FARP1: variants seen among roughly 807,000 people sequenced by gnomAD.
FARP1 encodes FERM, ARHGEF and pleckstrin domain-containing protein 1.
FARP1 carries 52 observed loss-of-function variants against 128.8 expected under a neutral mutation model. The observed-to-expected ratio is 0.40, with a 90% CI of 0.32 to 0.51. The LOEUF (loss-of-function observed/expected upper bound fraction) is 0.51. Ranked by LOEUF, FARP1 falls within the 20% of genes least tolerant of loss-of-function variation. The pLI, the probability that FARP1 is intolerant of heterozygous loss-of-function variation, is 0.45. For synonymous variants in FARP1, 580 were observed against 551.8 expected (o/e 1.05, Z -0.72); for missense variants, 1,333 against 1,367.9 (o/e 0.97, Z 0.40).
chr13:98,311,582 T>TGC lies in FARP1; in HGVS notation c.172-32179_172-32178dup, dbSNP rs145756712. Among the ~76,000 whole-genome samples the TGC allele has an allele frequency of 3.1e-3, 468 of 150,300 alleles. 5 individuals carry two copies. The highest frequency in any genetic ancestry group is 0.011 in the African/African-American group (445 of 41,468). ...GTGTGTGCATGTGCGTGTGTGTGTG[T>TGC]GCACACACGTGCACACGTTGGGAAA... On this transcript the variant is annotated intron_variant, in intron 2 of 26. Coordinates refer to ENST00000319562, the MANE Select transcript of FARP1 (RefSeq NM_005766.4).
intron 1 of FARP1, among the ~76,000 whole-genome samples, chr13:98,189,516 A>G (rs1223337645): frequency 1.3e-5 from 2 of 152,218 alleles, no homozygotes; most frequent in African/African-American, 2.4e-5. Context: ...ACCTGGTATT[A>G]TAATGAGCAG....
chr13:98,296,304 C>T (rs1029841046), intron 2 of FARP1, among the ~76,000 whole-genome samples: 2 of 152,116 alleles, frequency 1.3e-5, no homozygotes, highest in African/African-American at 4.8e-5. Flanking sequence ...CCCCCGATTG[C>T]AGGTACACCT....
At position 98,232,143 on chromosome 13, in the gene FARP1, TGG is replaced by T. The variant is rs1491434127; in HGVS notation, c.171+18731_171+18732del. Among the ~76,000 whole-genome samples, 1,144 of 126,364 alleles carry T rather than the reference TGG, an allele frequency of 9.1e-3. 32 individuals are homozygous for T. Among genetic ancestry groups the T allele is most frequent in the Admixed American group, 0.035 (456 of 12,996 alleles). 82.9% of individuals were successfully genotyped at this position (126,364 alleles called of 152,430 possible). A position where few individuals can be genotyped will look rare whatever the true frequency, so the allele number is the denominator to read the frequency against. On this transcript the variant is annotated intron_variant, in intron 2 of 26. Coordinates refer to ENST00000319562, the MANE Select transcript of FARP1 (RefSeq NM_005766.4). ...CCGTGCCCGGCTTTTTTTGTTTGGTTGGTTTTTTTTTTTTTTTTTTTTTGCTT... is the reference window on the plus strand; with the variant it reads ...CCGTGCCCGGCTTTTTTTGTTTGGTTTTTTTTTTTTTTTTTTTTTTTGCTT...
At chr13:98,361,394 T>C (rs1369553153) in intron 3 of FARP1, among the ~76,000 whole-genome samples, 1 of 152,224 alleles carries the variant, frequency 6.6e-6, no homozygotes, top group Non-Finnish European at 1.5e-5. Flanking sequence ...TGTTTGATGC[T>C]TTCCACAGAA....
At chr13:98,360,207 T>C (rs1450144092) in intron 3 of FARP1, among the ~76,000 whole-genome samples, 2 of 149,178 alleles carry the variant, frequency 1.3e-5, no homozygotes, top group African/African-American at 4.9e-5. Context: ...GCAATTCTCC[T>C]GCCTCAGCCT....
intron 1 of FARP1, among the ~76,000 whole-genome samples, chr13:98,146,278 G>T (rs757153777): frequency 2.6e-5 from 4 of 152,098 alleles, no homozygotes; most frequent in Non-Finnish European, 4.4e-5. Context: ...TCCCAGGCTG[G>T]AGTGCAATGG....
chr13:98,347,261 T>A (rs879335783), intron 3 of FARP1, among the ~76,000 whole-genome samples: 1 of 152,060 alleles, frequency 6.6e-6, no homozygotes, highest in Non-Finnish European at 1.5e-5. Flanking sequence ...ATTATTTTTT[T>A]AATTGTGGTC....
Position 98,438,906 on chromosome 13 carries a change from T to C in FARP1, c.2343+34T>C, listed in dbSNP as rs780246155. ...AGAGAGCGGCTTGTCCTCACAAGGATTGTGTCACCTGGGCAAGCAAGGCTC... is the reference window on the plus strand; with the variant it reads ...AGAGAGCGGCTTGTCCTCACAAGGACTGTGTCACCTGGGCAAGCAAGGCTC... On this transcript the variant is annotated intron_variant, in intron 20 of 26. Coordinates refer to ENST00000319562, the MANE Select transcript of FARP1 (RefSeq NM_005766.4). 29 of 1,603,160 alleles carry C rather than the reference T, an allele frequency of 1.8e-5. No homozygotes were observed. In the South Asian group the frequency reaches 2.9e-4, roughly 16 times the overall value.
intron 1 of FARP1, among the ~76,000 whole-genome samples, chr13:98,188,648 G>C (rs1249757028): frequency 5.3e-5 from 8 of 152,164 alleles, no homozygotes; most frequent in African/African-American, 1.9e-4. Flanking sequence ...CTTGTGCCTT[G>C]ACTGCTTCCT....
At chr13:98,405,747 C>T (rs1367157771) in intron 13 of FARP1, 2 of 152,158 alleles carry the variant, frequency 1.3e-5, no homozygotes, top group African/African-American at 2.4e-5. Context: ...CTTAGGGTCC[C>T]CCCAAATTAT....
rs754777712 is a variant in FARP1, at chr13:98,409,517, C to G, written c.1594C>G (p.Arg532Gly). 10 of 1,609,784 alleles carry G rather than the reference C, an allele frequency of 6.2e-6. No individual in the cohort carries two copies. Among genetic ancestry groups the G allele is most frequent in the Non-Finnish European group, 8.5e-6 (10 of 1,177,510 alleles). The change falls in exon 14 of 27, where the codon CGG (arginine) becomes GGG (glycine). Residue 532 changes from arginine (R) to glycine (G), a missense_variant. This residue lies in a region of FARP1 where 1,009 missense variants were observed against 969.8 expected (regional missense o/e 1.04). Transcript: ENST00000319562. ...CCGGACGGACGATGAGGATGAGGGC[C>G]GGAGGAAGGTACAGGGCCGAGGGCT... ...CPRTDDEDEG[R>G]RKRFPTDKAY...
At chr13:98,305,978 G>A (rs2390037) in intron 2 of FARP1, among the ~76,000 whole-genome samples, 57,056 of 151,808 alleles carry the variant, frequency 0.38, 11,136 homozygotes, top group East Asian at 0.66. Flanking sequence ...ACAACTCCAC[G>A]CTTTGCTGTC....
intron 1 of FARP1, among the ~76,000 whole-genome samples, chr13:98,166,891 A>AT (rs1356135400): frequency 6.6e-6 from 1 of 151,464 alleles, no homozygotes; most frequent in Non-Finnish European, 1.5e-5. Flanking sequence ...ACCTGACTTA[A>AT]TTTTTTTGTA....
At position 98,451,770 on chromosome 13, in the gene FARP1, G is replaced by C. The variant is rs187119111; in HGVS notation, c.*3453G>C. 6.6e-6 allele frequency: 1 copy of C among 152,330 alleles called. No individual in the cohort carries two copies. 9.4% of individuals were successfully genotyped at this position (152,330 alleles called of 1,614,324 possible). A position where few individuals can be genotyped will look rare whatever the true frequency, so the allele number is the denominator to read the frequency against. ...CTTCATGTACCAGTCAACAGCTGCT[G>C]CACGAACCCTCCCACTCCAGAAACC... On this transcript the variant is annotated 3_prime_UTR_variant, in exon 27 of 27. Coordinates refer to ENST00000319562, the MANE Select transcript of FARP1 (RefSeq NM_005766.4).
rs201040412 is a variant in FARP1, at chr13:98,213,359, C to G, written c.117C>G (p.Leu39=). The change falls in exon 2 of 27, where the codon CTC becomes CTG. Residue 39 remains leucine, a synonymous_variant. Transcript: ENST00000319562. ...CGCCCCCAACACCTTCAGGAAAACT[C>G]GTGTCCATCAAAATCCAGATGCTGG... ...QKPPPTPSGK[L]VSIKIQMLDD... The G allele has an allele frequency of 1.9e-6, 3 of 1,614,102 alleles. No individual in the cohort carries two copies. In the South Asian group the frequency reaches 3.3e-5, roughly 18 times the overall value.
At chr13:98,164,740 A>G (rs1394698112) in intron 1 of FARP1, among the ~76,000 whole-genome samples, 11 of 152,166 alleles carry the variant, frequency 7.2e-5, no homozygotes, top group Non-Finnish European at 1.5e-5. Flanking sequence ...GAAGATCTCC[A>G]AAATAGAGCC....
At chr13:98,241,745 C>T (rs1285225680) in intron 2 of FARP1, among the ~76,000 whole-genome samples, 1 of 152,068 alleles carries the variant, frequency 6.6e-6, no homozygotes, top group Non-Finnish European at 1.5e-5. Context: ...ATGGTGAAAC[C>T]CCATCTCTAC....
chr13:98,262,687 T>C (rs1188023595), intron 2 of FARP1, among the ~76,000 whole-genome samples: 1 of 152,236 alleles, frequency 6.6e-6, no homozygotes, highest in Non-Finnish European at 1.5e-5. Context: ...AGTGAGGTTT[T>C]GATGACATTA....
chr13:98,323,045 A>T (rs1887069546), intron 2 of FARP1, among the ~76,000 whole-genome samples: 1 of 152,230 alleles, frequency 6.6e-6, no homozygotes, highest in African/African-American at 2.4e-5. Flanking sequence ...CAATTGCAGG[A>T]TGTAATAGTG....
Sources: gnomAD v4.1 joint callset for allele counts (sites outside exome capture counted in the v4.1 genomes callset) on GRCh38, gnomAD v4.1.1 for gene constraint, gnomAD v4.1.1 regional missense constraint, MANE v1.5 for transcripts, NCBI Gene and HGNC (gene_info 2026-07-23, HGNC 2026-07-21) for gene names.